Variants in OSBPL6 observed in about 807,000 individuals in gnomAD.
OSBPL6 encodes the protein oxysterol-binding protein-related protein 6.
In OSBPL6, 49 loss-of-function variants were observed where a neutral mutation model predicts 125.8. The observed-to-expected ratio is 0.39, with a 90% CI of 0.31 to 0.49. The LOEUF (loss-of-function observed/expected upper bound fraction) is 0.49, where lower values mean the gene tolerates loss of function less well. OSBPL6 is among the 20% of genes least tolerant of loss of function. The pLI is 0.88. For missense variants in OSBPL6, 986 were observed against 1,135.4 expected (o/e 0.87, Z 1.89); for synonymous variants, 394 against 391.8 (o/e 1.01, Z -0.07).
intron 1 of OSBPL6, among the ~76,000 whole-genome samples, chr2:178,217,873 C>G (rs2090154194): frequency 6.6e-6 from 1 of 152,114 alleles, no homozygotes; most frequent in African/African-American, 2.4e-5. Flanking sequence ...TACAAGCTAC[C>G]CATTGTTAGA....
At chr2:178,347,391 T>C (rs1040797369) in intron 11 of OSBPL6, among the ~76,000 whole-genome samples, 2 of 152,144 alleles carry the variant, frequency 1.3e-5, no homozygotes, top group African/African-American at 4.8e-5. Flanking sequence ...AACTGTACCA[T>C]TAATTCTGAA....
At chr2:178,216,370 G>A (rs1414902683) in intron 1 of OSBPL6, among the ~76,000 whole-genome samples, 1 of 152,140 alleles carries the variant, frequency 6.6e-6, no homozygotes, top group Non-Finnish European at 1.5e-5. Context: ...AAAAAGGCAA[G>A]TATGAAAGAC....
intron 14 of OSBPL6, among the ~76,000 whole-genome samples, chr2:178,373,598 T>C (rs1693602220): frequency 1.3e-5 from 2 of 152,212 alleles, no homozygotes; most frequent in African/African-American, 4.8e-5. Context: ...AATGAAGTTG[T>C]CTCTACAGTC....
In OSBPL6 at chr2:178,316,592, CA is replaced by C. The variant is rs201332508; in HGVS notation, c.103-7584del. Among the ~76,000 whole-genome samples, 91 of 152,284 alleles carry C rather than the reference CA, an allele frequency of 6.0e-4. 1 individual carries two copies. The East Asian group carries it at 0.015, about 26-fold the overall frequency. ...CATTGTTGAGCCATATGAAGAGTTA[CA>C]TACATAACATGGTTTATGTAACTGC... On this transcript the variant is annotated intron_variant, in intron 3 of 24. Coordinates refer to ENST00000190611, the MANE Select transcript of OSBPL6 (RefSeq NM_032523.4).
chr2:178,228,302 A>G (rs538896339), intron 1 of OSBPL6, among the ~76,000 whole-genome samples: 22 of 152,302 alleles, frequency 1.4e-4, no homozygotes, highest in Admixed American at 2.6e-4. Context: ...TTGGGAGGCC[A>G]AGGTGGGCAT....
rs114991233 is a variant in OSBPL6, at chr2:178,214,122, C to T, written c.-351+19448C>T. On this transcript the variant is annotated intron_variant, in intron 1 of 24. Transcript: ENST00000190611. ...GCCTGTCTGGCACACTATTCTCTCC[C>T]CAGTGCCTTTCATAACAAATATTTG... 1.9e-3 allele frequency among the ~76,000 whole-genome samples: 290 copies of T among 152,292 alleles called. 1 individual carries two copies. Among genetic ancestry groups the T allele is most frequent in the African/African-American group, 6.3e-3 (262 of 41,562 alleles).
chr2:178,270,352 A>G (rs1338916475), intron 1 of OSBPL6, among the ~76,000 whole-genome samples: 1 of 152,232 alleles, frequency 6.6e-6, no homozygotes, highest in African/African-American at 2.4e-5. Flanking sequence ...TTTAATAATA[A>G]TAAAAGGTAA....
At position 178,246,046 on chromosome 2, in the gene OSBPL6, C is replaced by T. The variant is rs945497766; in HGVS notation, c.-350-38881C>T. 2.6e-5 allele frequency among the ~76,000 whole-genome samples: 4 copies of T among 152,168 alleles called. 1 individual carries two copies. Among genetic ancestry groups the T allele is most frequent in the African/African-American group, 9.7e-5 (4 of 41,430 alleles). ...CCTCCATCTGGTCCCTGGCCCTTTC[C>T]TCTCTCACTCCATCAGTTACATCCT... On this transcript the variant is annotated intron_variant, in intron 1 of 24. Coordinates refer to ENST00000190611, the MANE Select transcript of OSBPL6 (RefSeq NM_032523.4).
intron 1 of OSBPL6, among the ~76,000 whole-genome samples, chr2:178,220,129 G>A (rs555362983): frequency 6.6e-6 from 1 of 152,298 alleles, no homozygotes; most frequent in Admixed American, 6.5e-5. Context: ...GATAGAACCT[G>A]AGGCATACAC....
chr2:178,215,641 G>T (rs2090062965), intron 1 of OSBPL6, among the ~76,000 whole-genome samples: 1 of 152,066 alleles, frequency 6.6e-6, no homozygotes, highest in Non-Finnish European at 1.5e-5. Context: ...GGAGTGTCGT[G>T]TTCCTGTGAT....
intron 1 of OSBPL6, among the ~76,000 whole-genome samples, chr2:178,225,690 G>GGA (rs1432520366): frequency 6.6e-6 from 1 of 152,184 alleles, no homozygotes; most frequent in Non-Finnish European, 1.5e-5. Flanking sequence ...CATGGCAGAA[G>GGA]GCAAGGAGGA....
intron 3 of OSBPL6, chr2:178,323,930 T>G (rs1688472779): frequency 3.1e-6 from 1 of 318,696 alleles, no homozygotes; most frequent in Admixed American, 4.3e-5. Flanking sequence ...CGAGAGATAT[T>G]CCTCTGACTC....
chr2:178,202,504 T>C (rs530016898), intron 1 of OSBPL6, among the ~76,000 whole-genome samples: 1 of 152,316 alleles, frequency 6.6e-6, no homozygotes, highest in South Asian at 2.1e-4. Flanking sequence ...ACATACTGTA[T>C]CTTTTTTCTC....
chr2:178,362,799 C>T (rs1340007681), intron 13 of OSBPL6, among the ~76,000 whole-genome samples: 2 of 152,136 alleles, frequency 1.3e-5, no homozygotes, highest in Non-Finnish European at 2.9e-5. Flanking sequence ...TCTGCATTAT[C>T]CATAAAACAC....
intron 13 of OSBPL6, among the ~76,000 whole-genome samples, chr2:178,370,877 A>C (rs1693318809): frequency 6.6e-6 from 1 of 152,186 alleles, no homozygotes. Flanking sequence ...GGGTTGAGGG[A>C]AGGGAAGACA....
In OSBPL6 at chr2:178,196,345, T is replaced by C. The variant is rs557577605; in HGVS notation, c.-351+1671T>C. Reference sequence around the variant, plus strand: ...TTCTTAAGGTAAAAATGAAATATTTTGAAATTAAAATTTCAGGCTTTTAGA... The same window carrying C: ...TTCTTAAGGTAAAAATGAAATATTTCGAAATTAAAATTTCAGGCTTTTAGA... On this transcript the variant is annotated intron_variant, in intron 1 of 24. Coordinates refer to ENST00000190611, the MANE Select transcript of OSBPL6 (RefSeq NM_032523.4). Among the ~76,000 whole-genome samples, 757 of 152,346 alleles carry C rather than the reference T, an allele frequency of 5.0e-3. 5 individuals are homozygous for C. Among genetic ancestry groups the C allele is most frequent in the Non-Finnish European group, 8.2e-3 (556 of 68,028 alleles).
intron 23 of OSBPL6, among the ~76,000 whole-genome samples, chr2:178,392,775 C>T (rs548047654): frequency 6.6e-6 from 1 of 151,032 alleles, no homozygotes; most frequent in East Asian, 1.9e-4. Flanking sequence ...GTGGGAGGAT[C>T]GCTCGAGCCT....
intron 23 of OSBPL6, among the ~76,000 whole-genome samples, chr2:178,393,016 T>C (rs1471171327): frequency 6.6e-6 from 1 of 152,204 alleles, no homozygotes; most frequent in Non-Finnish European, 1.5e-5. Context: ...GCAGTATTCA[T>C]AGAATGATCA....
chr2:178,243,286 A>G (rs930973208), intron 1 of OSBPL6, among the ~76,000 whole-genome samples: 1 of 152,224 alleles, frequency 6.6e-6, no homozygotes, highest in African/African-American at 2.4e-5. Flanking sequence ...AGTTCTCAAG[A>G]GTGAAATGGC....
Sources: allele counts gnomAD v4.1 joint callset (sites outside exome capture counted in the v4.1 genomes callset), GRCh38; gene constraint gnomAD v4.1.1; transcripts MANE v1.5; gene names NCBI Gene and HGNC (gene_info 2026-07-23, HGNC 2026-07-21).